Variants in FANK1 observed in about 807,000 individuals in gnomAD.
FANK1 encodes the protein fibronectin type III and ankyrin repeat domains 1, also known as fibronectin type 3 and ankyrin repeat domains protein 1.
In FANK1, 44 loss-of-function variants were observed where a neutral mutation model predicts 45.3. The observed-to-expected ratio is 0.97, with a 90% confidence interval of 0.76 to 1.25. FANK1 has a LOEUF of 1.25. FANK1 is among the 50% of genes most tolerant of loss of function. The pLI is 0.00. For missense variants in FANK1, 391 were observed against 424.4 expected (o/e 0.92, Z 0.69); for synonymous variants, 149 against 152.5 (o/e 0.98, Z 0.17).
intron 1 of FANK1, among the ~76,000 whole-genome samples, chr10:125,904,436 ATT>A (rs200215701): frequency 1.7e-4 from 22 of 128,766 alleles, no homozygotes; most frequent in African/African-American, 2.6e-4. Flanking sequence ...AACATTACAG[ATT>A]TTTTTTTTTT....
intron 1 of FANK1, among the ~76,000 whole-genome samples, chr10:125,977,221 G>T (rs1590133893): frequency 6.6e-6 from 1 of 152,174 alleles, no homozygotes. Context: ...TCATCTGAGT[G>T]TGGGTGTTCC....
At chr10:125,992,677 C>G (rs918861333) in intron 3 of FANK1, among the ~76,000 whole-genome samples, 4 of 152,092 alleles carry the variant, frequency 2.6e-5, no homozygotes, top group Non-Finnish European at 5.9e-5. Flanking sequence ...CCTTTGCATG[C>G]TGCAGAGCTT....
intron 1 of FANK1, among the ~76,000 whole-genome samples, chr10:125,933,724 G>A (rs889068959): frequency 9.2e-5 from 14 of 152,100 alleles, no homozygotes; most frequent in Admixed American, 2.6e-4. Flanking sequence ...TGTGACCTTA[G>A]AGTGTCAGTT....
intron 1 of FANK1, among the ~76,000 whole-genome samples, chr10:125,931,717 G>A (rs1472035134): frequency 6.6e-6 from 1 of 152,122 alleles, no homozygotes; most frequent in Non-Finnish European, 1.5e-5. Flanking sequence ...GTTTAATTAA[G>A]TCCCAACTAT....
intron 1 of FANK1, among the ~76,000 whole-genome samples, chr10:125,902,308 G>C (rs1218578707): frequency 6.6e-6 from 1 of 152,184 alleles, no homozygotes; most frequent in African/African-American, 2.4e-5. Flanking sequence ...CTGTAGGGTG[G>C]TGGAAGAGGT....
chr10:125,912,796 C>T lies in FANK1; in HGVS notation c.13+16141C>T, dbSNP rs1168418067. ...GGGATTACAGGTGCCCACCACCATG[C>T]CCAGCTAATTGTGTTTTTAGTGGAG... is the stretch of plus-strand genomic sequence containing the variant. On this transcript the variant is annotated intron_variant, in intron 1 of 10. Transcript: ENST00000368693. 3.9e-5 allele frequency among the ~76,000 whole-genome samples: 6 copies of T among 152,174 alleles called. No homozygotes were observed. In the East Asian group the frequency reaches 9.6e-4, roughly 24 times the overall value.
rs147291573 is a variant in FANK1 at position 125,987,243 on chromosome 10, A to C, written c.192-1308A>C. Among the ~76,000 whole-genome samples the C allele has an allele frequency of 5.4e-4, 82 of 152,274 alleles. No homozygotes were observed. In the South Asian group the frequency reaches 8.5e-3, roughly 16 times the overall value. On this transcript the variant is annotated intron_variant, in intron 2 of 10. Coordinates refer to ENST00000368693, the MANE Select transcript of FANK1 (RefSeq NM_145235.5). ...CCCAGCCTGTCCCAGCACCTTGCAA[A>C]TAATGGGCACTAGATACACTTGTTG... is the stretch of plus-strand genomic sequence containing the variant.
At chr10:125,954,128 T>TACAATCTAA (rs1949426425) in intron 1 of FANK1, among the ~76,000 whole-genome samples, 1 of 152,078 alleles carries the variant, frequency 6.6e-6, no homozygotes, top group Admixed American at 6.6e-5. Flanking sequence ...TTGGCTAACT[T>TACAATCTAA]GAATGGTGCA....
chr10:125,911,817 G>C (rs1277661724), intron 1 of FANK1, among the ~76,000 whole-genome samples: 1 of 152,096 alleles, frequency 6.6e-6, no homozygotes, highest in African/African-American at 2.4e-5. Context: ...TCAGAGTTAC[G>C]CCTGGGTCCT....
At chr10:125,994,866 C>G (rs1160285273) in intron 3 of FANK1, 1 of 985,264 alleles carries the variant, frequency 1.0e-6, no homozygotes, top group Admixed American at 6.1e-5. Context: ...TTGGCAAGCT[C>G]TCTCCCCTAA....
intron 1 of FANK1, among the ~76,000 whole-genome samples, chr10:125,974,448 T>C (rs1198582123): frequency 4.6e-5 from 7 of 152,100 alleles, no homozygotes; most frequent in African/African-American, 1.7e-4. Context: ...TCAAGAAGGA[T>C]TGAGTTACAG....
chr10:126,002,808 T>C (rs185698629), intron 6 of FANK1, among the ~76,000 whole-genome samples: 129 of 134,890 alleles, frequency 9.6e-4, no homozygotes, highest in Non-Finnish European at 1.8e-3. Flanking sequence ...TATTCTGAAA[T>C]TAGTAGATAG....
Position 126,004,917 on chromosome 10 carries a change from T to C in FANK1, c.573T>C (p.Asp191=). Residue 191 remains aspartate (D), a synonymous_variant, in exon 7 of 11, where the codon GAT becomes GAC. Coordinates refer to ENST00000368693, the MANE Select transcript of FANK1 (RefSeq NM_145235.5). ...TGGCGTGCTATGCGGGACACCTAGA[T>C]GTTGTGAAATATCTCCGAAGACATG... ...LMLACYAGHL[D]VVKYLRRHGA... The C allele has an allele frequency of 6.2e-7, 1 of 1,614,128 alleles. No homozygotes were observed. Among genetic ancestry groups the C allele is most frequent in the Non-Finnish European group, 8.5e-7 (1 of 1,180,030 alleles).
chr10:125,944,319 A>G (rs1229090270), intron 1 of FANK1, among the ~76,000 whole-genome samples: 2 of 152,202 alleles, frequency 1.3e-5, no homozygotes, highest in Non-Finnish European at 2.9e-5. Context: ...GGATAAATAA[A>G]AGTCATATTT....
At chr10:125,992,407 GT>G (rs1485744988) in intron 3 of FANK1, among the ~76,000 whole-genome samples, 1 of 152,192 alleles carries the variant, frequency 6.6e-6, no homozygotes, top group Non-Finnish European at 1.5e-5. Flanking sequence ...CGATTAAGGA[GT>G]TAACACTGAG....
chr10:125,950,303 A>G (rs1436387391), intron 1 of FANK1, among the ~76,000 whole-genome samples: 3 of 143,602 alleles, frequency 2.1e-5, no homozygotes, highest in Admixed American at 2.1e-4. Flanking sequence ...GCACAGCAAA[A>G]GAAACTACCA....
chr10:125,970,220 A>AC (rs1452176394), intron 1 of FANK1, among the ~76,000 whole-genome samples: 2 of 150,618 alleles, frequency 1.3e-5, no homozygotes, highest in East Asian at 2.0e-4. Flanking sequence ...GGGGCCCCCC[A>AC]CCCCCCAGAG....
intron 1 of FANK1, among the ~76,000 whole-genome samples, chr10:125,897,798 GT>G (rs1264760116): frequency 6.6e-6 from 1 of 152,160 alleles, no homozygotes; most frequent in Non-Finnish European, 1.5e-5. Flanking sequence ...TTTGTTTTAT[GT>G]CAAACTGATG....
intron 1 of FANK1, among the ~76,000 whole-genome samples, chr10:125,916,473 AAATT>A (rs1946455548): frequency 6.6e-6 from 1 of 152,190 alleles, no homozygotes; most frequent in African/African-American, 2.4e-5. Context: ...GGCGTAGGAT[AAATT>A]CTTTTGATTA....
Sources: gnomAD v4.1 joint callset for allele counts (sites outside exome capture counted in the v4.1 genomes callset) on GRCh38, gnomAD v4.1.1 for gene constraint, MANE v1.5 for transcripts, NCBI Gene and HGNC (gene_info 2026-07-23, HGNC 2026-07-21) for gene names.